Variants in KY observed in about 807,000 individuals in gnomAD.
The protein encoded by KY is kyphoscoliosis peptidase.
Under a neutral mutation model 76.1 loss-of-function variants are expected in KY, and 43 were observed. That is an observed-to-expected ratio of 0.57 (90% CI 0.44 to 0.73). The LOEUF (loss-of-function observed/expected upper bound fraction) is 0.73, where lower values mean the gene tolerates loss of function less well. Ranked by LOEUF, KY falls within the 30% of genes least tolerant of loss-of-function variation. KY has a pLI of 0.00. For missense variants in KY, 722 were observed against 828.9 expected (o/e 0.87, Z 1.58); for synonymous variants, 277 against 326.2 (o/e 0.85, Z 1.63).
At chr3:134,610,042 C>T (rs1960086407) in intron 9 of KY, among the ~76,000 whole-genome samples, 153 bp downstream of exon 9, 1 of 152,154 alleles carries the variant, frequency 6.6e-6, no homozygotes, top group Admixed American at 6.5e-5. Context: ...GGCCTGGAGC[C>T]AGCCCACTTC....
chr3:134,608,813 T>G lies in KY; in HGVS notation c.926A>C (p.His309Pro), dbSNP rs1269022973. Residue 309 changes from histidine (H) to proline (P), a missense_variant, in exon 10 of 11, where the codon CAC (histidine) becomes CCC (proline). His to Pro is a moderately conservative substitution (Grantham distance 77). Transcript: ENST00000423778. ...GTGGTCCTCGATGAACAGTGCAGGG[T>G]GGGTGAGGAAGTAGAACTCATTGTA... The part of the protein sequence containing the change: ...FLYNEFYFLT[H>P]PALFIEDHFP... The G allele has an allele frequency of 6.2e-7, 1 of 1,612,458 alleles. No homozygotes were observed. Among genetic ancestry groups the G allele is most frequent in the African/African-American group, 1.3e-5 (1 of 74,790 alleles).
Position 134,608,592 on chromosome 3 carries a change from A to G in KY, c.1090+57T>C, listed in dbSNP as rs770619034. ...GCAGTCTCAGGCGGGCTCCTGGAGG[A>G]CAGTGCGAAATGCTCCATTCCTGCT... On this transcript the variant is annotated intron_variant, in intron 10 of 10. Transcript: ENST00000423778. 19 of 1,613,424 alleles carry G rather than the reference A, an allele frequency of 1.2e-5. No homozygotes were observed. In the South Asian group the frequency reaches 2.0e-4, roughly 17 times the overall value.
Position 134,619,243 on chromosome 3 carries a change from C to G in KY, c.615G>C (p.Gln205His). The change falls in exon 8 of 11, where the codon CAG becomes CAC. Residue 205 changes from glutamine to histidine, a missense_variant. Transcript: ENST00000423778. ...HHIEYDIAAA[Q>H]EKDRQAFKPT... ...GTTTGAAGGCTTGGCGGTCCTTCTC[C>G]TGAGCAGCTGCAATGTCATACTCTA... The G allele has an allele frequency of 6.2e-7, 1 of 1,613,954 alleles. No homozygotes were observed.
At chr3:134,650,028 G>A (rs1294160679) in intron 1 of KY, among the ~76,000 whole-genome samples, 1 of 152,228 alleles carries the variant, frequency 6.6e-6, no homozygotes, top group Non-Finnish European at 1.5e-5. Context: ...GGACCCTGAG[G>A]TTCTCTGGCT....
chr3:134,603,683 T>G lies in KY; in HGVS notation c.1882A>C (p.Ser628Arg), dbSNP rs1433419515. 6.2e-7 allele frequency: 1 copy of G among 1,613,900 alleles called. No homozygotes were observed. The highest frequency in any genetic ancestry group is 8.5e-7 in the Non-Finnish European group (1 of 1,179,828). ...TCCTGGCAGCCAGCTGTGCTGCAGC[T>G]TCCCTCCCAGTAGCCCTCGTGGTTC... ...TLNHEGYWEG[S>R]CSTAGCQEVY... is the part of the protein sequence containing the mutation. The change falls in exon 11 of 11, where the codon AGC becomes CGC. Residue 628 changes from serine to arginine, a missense_variant. Transcript: ENST00000423778.
At chr3:134,631,697 A>G (rs1299456212) in intron 3 of KY, among the ~76,000 whole-genome samples, 2 of 152,156 alleles carry the variant, frequency 1.3e-5, no homozygotes, top group African/African-American at 2.4e-5. Flanking sequence ...AATACATACA[A>G]AAATAGCTAT....
rs144879765 is a variant in KY, at chr3:134,599,982, G to A, written c.*3597C>T. Among the ~76,000 whole-genome samples, 1 of 152,122 alleles carries A rather than the reference G, an allele frequency of 6.6e-6. No homozygotes were observed. Among genetic ancestry groups the A allele is most frequent in the Non-Finnish European group, 1.5e-5 (1 of 68,030 alleles). Reference sequence around the variant, plus strand: ...CAACACCAGCAACAACATGGAGAAAGCATACTCAACAGCCACCGGCCCACA... The same window carrying A: ...CAACACCAGCAACAACATGGAGAAAACATACTCAACAGCCACCGGCCCACA... On this transcript the variant is annotated 3_prime_UTR_variant, in exon 11 of 11. Transcript: ENST00000423778.
chr3:134,631,597 G>C (rs144409186), intron 3 of KY, among the ~76,000 whole-genome samples: 6 of 152,244 alleles, frequency 3.9e-5, no homozygotes, highest in African/African-American at 1.4e-4. Flanking sequence ...GAGTAGGAGA[G>C]TGAATCTACC....
intron 2 of KY, among the ~76,000 whole-genome samples, chr3:134,645,552 C>T (rs1041731921): frequency 6.6e-6 from 1 of 152,222 alleles, no homozygotes; most frequent in Non-Finnish European, 1.5e-5. Flanking sequence ...AGAATCTCGA[C>T]ATCAGAAAAC....
At chr3:134,648,177 C>G (rs1012254921) in intron 1 of KY, among the ~76,000 whole-genome samples, 2 of 152,154 alleles carry the variant, frequency 1.3e-5, no homozygotes, top group African/African-American at 2.4e-5. Context: ...GAGATCCTGG[C>G]GCGGAAGGAG....
chr3:134,636,400 C>T (rs1199518241), intron 3 of KY, among the ~76,000 whole-genome samples: 1 of 152,188 alleles, frequency 6.6e-6, no homozygotes, highest in Non-Finnish European at 1.5e-5. Context: ...CCAATTAGCA[C>T]ATGCCAGAAG....
At chr3:134,633,696 AG>A (rs1964537617) in intron 3 of KY, among the ~76,000 whole-genome samples, 1 of 152,166 alleles carries the variant, frequency 6.6e-6, no homozygotes. Context: ...ATTGGGAACA[AG>A]TCATAGATAT....
intron 3 of KY, among the ~76,000 whole-genome samples, chr3:134,643,082 G>C (rs1965963825): frequency 6.6e-6 from 1 of 152,220 alleles, no homozygotes; most frequent in Non-Finnish European, 1.5e-5. Flanking sequence ...CGTGCTCTGA[G>C]GCCCATGGGC....
rs13083717 is a variant in KY, at chr3:134,629,954, G to A, written c.263-259C>T. 0.19 allele frequency among the ~76,000 whole-genome samples: 28,201 copies of A among 152,150 alleles called. 3,369 individuals are homozygous for A. Among genetic ancestry groups the A allele is most frequent in the Non-Finnish European group, 0.27 (18,404 of 68,004 alleles). On this transcript the variant is annotated intron_variant, in intron 3 of 10. Transcript: ENST00000423778. ...TTATAAACAATGTACTGAATGTAAG[G>A]GGCAACTACTAGAGGATTCTGCAAA...
Position 134,602,936 on chromosome 3 carries a change from G to C in KY, c.*643C>G, listed in dbSNP as rs868171827. 7.2e-5 allele frequency among the ~76,000 whole-genome samples: 11 copies of C among 152,322 alleles called. No individual in the cohort carries two copies. The South Asian group carries it at 2.3e-3, about 32-fold the overall frequency. ...GACTATACTTAGGGATGTTGGAGAC[G>C]ATCAGCTTCCAGCCAGTTGTGGGTC... On this transcript the variant is annotated 3_prime_UTR_variant, in exon 11 of 11. Transcript: ENST00000423778.
At position 134,619,142 on chromosome 3, in the gene KY, T is replaced by A. The variant is rs375429583; in HGVS notation, c.710+6A>T. The A allele has an allele frequency of 6.2e-6, 10 of 1,611,574 alleles. No individual in the cohort carries two copies. The African/African-American group carries it at 1.3e-4, about 22-fold the overall frequency. On this transcript the variant is annotated splice_donor_region_variant and intron_variant, in intron 8 of 10. Coordinates refer to ENST00000423778, the MANE Select transcript of KY (RefSeq NM_178554.6). ...TGGTCAGCATGGGGACTCCTGTCTC[T>A]CGTACCTGCACATTCTCTCGAAGAG... is the stretch of plus-strand genomic sequence containing the variant.
intron 10 of KY, 47 bp from the exon 11 acceptor site, chr3:134,604,521 T>C: frequency 6.8e-7 from 1 of 1,475,490 alleles, no homozygotes; most frequent in Non-Finnish European, 9.2e-7. Flanking sequence ...CAGCACGTGC[T>C]GATGTGCTGG....
Position 134,620,818 on chromosome 3 carries a change from G to A in KY, c.523C>T (p.Leu175=), listed in dbSNP as rs868009446. ...AGGTCAGTGTGGGCCTCCTGGAGCA[G>A]GTCACTCACCAGTTCGTCTAGGCCA... ...KSGLDELVSD[L]LQEAHTDLER... is the part of the protein sequence containing the mutation. The change falls in exon 7 of 11, where the codon CTG becomes TTG. Residue 175 remains leucine (L), a synonymous_variant. Transcript: ENST00000423778. 2 of 1,613,422 alleles carry A rather than the reference G, an allele frequency of 1.2e-6. No individual in the cohort carries two copies. The highest frequency in any genetic ancestry group is 1.6e-4 in the Middle Eastern group (1 of 6,062).
chr3:134,646,585 C>A (rs1444053089), intron 2 of KY, among the ~76,000 whole-genome samples: 1 of 152,196 alleles, frequency 6.6e-6, no homozygotes, highest in East Asian at 1.9e-4. Context: ...TTTAGAACTT[C>A]ATCTTTCCCT....
Sources: gnomAD v4.1 joint callset for allele counts (sites outside exome capture counted in the v4.1 genomes callset) on GRCh38, gnomAD v4.1.1 for gene constraint, MANE v1.5 for transcripts, NCBI Gene and HGNC (gene_info 2026-07-23, HGNC 2026-07-21) for gene names.